ZNF516: variants seen among roughly 807,000 people sequenced by gnomAD.
ZNF516 encodes zinc finger protein 516.
In ZNF516, 19 loss-of-function variants were observed where a neutral mutation model predicts 79.7. The observed-to-expected ratio is 0.24, with a 90% CI of 0.17 to 0.35. The LOEUF (loss-of-function observed/expected upper bound fraction) is 0.35, where lower values mean the gene tolerates loss of function less well. Ranked by LOEUF, ZNF516 falls within the 10% of genes least tolerant of loss-of-function variation. The probability of loss-of-function intolerance (pLI) is 1.00; values close to 1 mark genes in which losing one functional copy is unlikely to be tolerated. For missense variants in ZNF516, 1,678 were observed against 1,679.5 expected, an observed-to-expected ratio of 1.00 and a Z score of 0.02; for synonymous variants, 877 against 739.5, an observed-to-expected ratio of 1.19 and a Z score of -3.02.
chr18:76,452,780 C>G (rs1159886808), intron 2 of ZNF516, among the ~76,000 whole-genome samples: 1 of 152,086 alleles, frequency 6.6e-6, no homozygotes, highest in African/African-American at 2.4e-5. Context: ...GAAATATGAC[C>G]TGGGGGAGGA....
chr18:76,365,198 CT>C (rs1398645314), intron 6 of ZNF516, among the ~76,000 whole-genome samples: 5 of 152,124 alleles, frequency 3.3e-5, no homozygotes, highest in Non-Finnish European at 7.3e-5. Flanking sequence ...ATTTATCCAG[CT>C]TAACCATTTT....
chr18:76,385,276 T>G (rs1007969428), intron 3 of ZNF516, among the ~76,000 whole-genome samples: 1 of 152,222 alleles, frequency 6.6e-6, no homozygotes, highest in African/African-American at 2.4e-5. Flanking sequence ...CGTCCCAAGC[T>G]GGCCCTGGCC....
chr18:76,381,938 C>T (rs367658433), intron 3 of ZNF516, among the ~76,000 whole-genome samples: 5 of 152,310 alleles, frequency 3.3e-5, no homozygotes, highest in African/African-American at 1.2e-4. Context: ...TCAAGACCAG[C>T]CTGGCCAACG....
intron 5 of ZNF516, among the ~76,000 whole-genome samples, 199 bp downstream of exon 5, chr18:76,371,268 C>T (rs2074698594): frequency 6.6e-6 from 1 of 152,232 alleles, no homozygotes. Flanking sequence ...CCACATGGCA[C>T]ATGGACACCA....
chr18:76,423,428 G>A (rs1451772058), intron 3 of ZNF516, among the ~76,000 whole-genome samples: 1 of 152,168 alleles, frequency 6.6e-6, no homozygotes, highest in African/African-American at 2.4e-5. Context: ...TGAAACACAC[G>A]CAGGTGAAAA....
intron 3 of ZNF516, among the ~76,000 whole-genome samples, chr18:76,406,622 A>T (rs572270391): frequency 6.6e-6 from 1 of 152,156 alleles, no homozygotes; most frequent in South Asian, 2.1e-4. Context: ...GCCGCGCTCC[A>T]CATCTCCCCT....
intron 3 of ZNF516, among the ~76,000 whole-genome samples, chr18:76,416,296 C>T (rs1420995185): frequency 2.6e-5 from 4 of 152,236 alleles, no homozygotes; most frequent in East Asian, 3.8e-4. Context: ...AGGAATGAAG[C>T]GCCCTGGCCT....
At chr18:76,482,450 G>A (rs1039886626) in intron 1 of ZNF516, among the ~76,000 whole-genome samples, 14 of 152,306 alleles carry the variant, frequency 9.2e-5, no homozygotes, top group East Asian at 5.8e-4. Flanking sequence ...CCACAGGCCC[G>A]GCAGCGGCAG....
chr18:76,418,904 G>T (rs559191709), intron 3 of ZNF516, among the ~76,000 whole-genome samples: 1 of 152,366 alleles, frequency 6.6e-6, no homozygotes, highest in East Asian at 1.9e-4. Context: ...AGGGCAGAGG[G>T]TCTGCAGGGC....
At chr18:76,492,573 C>T (rs184424981) in intron 1 of ZNF516, 1 of 385,736 alleles carries the variant, frequency 2.6e-6, no homozygotes, top group African/African-American at 2.2e-5. Context: ...ACGGAGTTCA[C>T]ATCAGTTTCA....
rs1227578514 is a variant in ZNF516 at position 76,459,798 on chromosome 18, C to T, written c.-158+3230G>A. Among the ~76,000 whole-genome samples the T allele has an allele frequency of 1.3e-5, 2 of 152,098 alleles. No individual in the cohort carries two copies. On this transcript the variant is annotated intron_variant, in intron 2 of 6. Transcript: ENST00000443185. The surrounding 1 kb of genome is among the most constrained non-coding windows in gnomAD (Gnocchi z 5.0). Reference sequence around the variant, plus strand: ...GGATTCAGGGCCAACTGCAGGCCCCCGGAGACGAGGTTAGACGGTGGCAGG... The same window carrying T: ...GGATTCAGGGCCAACTGCAGGCCCCTGGAGACGAGGTTAGACGGTGGCAGG...
rs920864840 is a variant in ZNF516, at chr18:76,451,947, T to G, written c.-157-8736A>C. On this transcript the variant is annotated intron_variant, in intron 2 of 6. Coordinates refer to ENST00000443185, the MANE Select transcript of ZNF516 (RefSeq NM_014643.4). This position sits in a 1 kb window ranked among gnomAD's most constrained non-coding sequence, Gnocchi z 6.0. ...TGGGGTCCCGAAGAGCCCCATAAAG[T>G]GATGCATTCACTATTGGGAGAGTAA... Among the ~76,000 whole-genome samples, 1 of 152,108 alleles carries G rather than the reference T, an allele frequency of 6.6e-6. No individual in the cohort carries two copies. Among genetic ancestry groups the G allele is most frequent in the Non-Finnish European group, 1.5e-5 (1 of 68,026 alleles).
At chr18:76,402,944 T>C (rs1430284500) in intron 3 of ZNF516, among the ~76,000 whole-genome samples, 2 of 152,224 alleles carry the variant, frequency 1.3e-5, no homozygotes, top group Non-Finnish European at 2.9e-5. Context: ...GAGTCGAAGC[T>C]AGTCGAAGCT....
chr18:76,496,389 C>G, upstream of ZNF516: 1 of 1,289,668 alleles, frequency 7.8e-7, no homozygotes, highest in Non-Finnish European at 1.0e-6. Flanking sequence ...GCAATCCTGG[C>G]GGTTACCTCA....
At chr18:76,491,687 C>T in intron 1 of ZNF516, 1 of 244,472 alleles carries the variant, frequency 4.1e-6, no homozygotes, top group Non-Finnish European at 6.5e-6. Context: ...CCGGGGCGGG[C>T]AGGTGAGTCC....
chr18:76,417,178 A>T (rs937292796), intron 3 of ZNF516, among the ~76,000 whole-genome samples: 4 of 152,228 alleles, frequency 2.6e-5, no homozygotes, highest in African/African-American at 9.6e-5. Flanking sequence ...CGCAGCGGCT[A>T]CTGAACGGCT....
intron 3 of ZNF516, among the ~76,000 whole-genome samples, chr18:76,421,228 G>C (rs2075502551): frequency 6.6e-6 from 1 of 152,170 alleles, no homozygotes. Context: ...GTGCATATTG[G>C]AAAAGGGCTC....
At chr18:76,496,282 C>G, upstream of ZNF516, 1 of 1,288,882 alleles carries the variant, frequency 7.8e-7, no homozygotes, top group Non-Finnish European at 1.0e-6. Flanking sequence ...CCACCAGGCT[C>G]CTGGCCGTAT....
At position 76,451,035 on chromosome 18, in the gene ZNF516, G is replaced by A. The variant is rs1440859673; in HGVS notation, c.-157-7824C>T. Among the ~76,000 whole-genome samples the A allele has an allele frequency of 1.3e-5, 2 of 152,250 alleles. No homozygotes were observed. Among genetic ancestry groups the A allele is most frequent in the Non-Finnish European group, 1.5e-5 (1 of 68,014 alleles). On this transcript the variant is annotated intron_variant, in intron 2 of 6. Coordinates refer to ENST00000443185, the MANE Select transcript of ZNF516 (RefSeq NM_014643.4). The surrounding 1 kb of genome is among the most constrained non-coding windows in gnomAD (Gnocchi z 6.0). ...GAACGCTTAAAGTTGCGGAAACCAA[G>A]CAAAGCTGACTGGGAGACACCAGGG...
Sources: gnomAD v4.1 joint callset for allele counts (sites outside exome capture counted in the v4.1 genomes callset) on GRCh38, gnomAD v4.1.1 for gene constraint, Gnocchi (gnomAD v3.1) non-coding constraint, MANE v1.5 for transcripts, NCBI Gene and HGNC (gene_info 2026-07-23, HGNC 2026-07-21) for gene names.